Variants in ACOX3 observed in about 807,000 individuals in gnomAD.
ACOX3 encodes the protein acyl-CoA oxidase 3, pristanoyl, also known as peroxisomal acyl-coenzyme A oxidase 3.
Under a neutral mutation model 81.5 loss-of-function variants are expected in ACOX3, and 73 were observed. That is an observed-to-expected ratio of 0.90 (90% CI 0.74 to 1.09). The LOEUF (loss-of-function observed/expected upper bound fraction) is 1.09. Ranked by LOEUF, ACOX3 falls within the 50% of genes least tolerant of loss-of-function variation. ACOX3 has a pLI of 0.00. For missense variants in ACOX3, 947 were observed against 928.0 expected, an observed-to-expected ratio of 1.02 and a Z score of -0.27; for synonymous variants, 387 against 375.1, an observed-to-expected ratio of 1.03 and a Z score of -0.37.
At position 8,372,096 on chromosome 4, in the gene ACOX3, G is replaced by A. The variant is rs371316294; in HGVS notation, c.1897-1102C>T. Among the ~76,000 whole-genome samples the A allele has an allele frequency of 2.4e-4, 36 of 152,308 alleles. No individual in the cohort carries two copies. In the South Asian group the frequency reaches 3.9e-3, roughly 17 times the overall value. On this transcript the variant is annotated intron_variant, in intron 16 of 17. Transcript: ENST00000356406. Reference sequence around the variant, plus strand: ...TGGCCATAGCCTCACTGGGAAATCAGTTGTGGCTGTCATTTTTTTGAGACG... The same window carrying A: ...TGGCCATAGCCTCACTGGGAAATCAATTGTGGCTGTCATTTTTTTGAGACG...
chr4:8,363,569 G>C (rs1037310394), downstream of ACOX3, among the ~76,000 whole-genome samples: 3 of 152,128 alleles, frequency 2.0e-5, no homozygotes, highest in African/African-American at 7.2e-5. Flanking sequence ...TTATAAAAGG[G>C]AGGGGAGCAA....
rs1439174796 is a variant in ACOX3, at chr4:8,414,844, C to A, written c.453+10G>T. 21 of 1,613,224 alleles carry A rather than the reference C, an allele frequency of 1.3e-5. No individual in the cohort carries two copies. The highest frequency in any genetic ancestry group is 1.7e-5 in the Non-Finnish European group (20 of 1,179,136). The stretch of plus-strand genomic sequence containing the variant: ...ACCAGGCTCACAATTTACCATGAAC[C>A]AGAACTTACCTCCATCCTGAAGATC... On this transcript the variant is annotated intron_variant, in intron 4 of 17. Transcript: ENST00000356406. The surrounding 1 kb of genome is among the most constrained non-coding windows in gnomAD (Gnocchi z 6.1).
intron 1 of ACOX3, among the ~76,000 whole-genome samples, chr4:8,426,584 C>A (rs1723510251): frequency 1.3e-5 from 2 of 149,472 alleles, no homozygotes; most frequent in Admixed American, 1.3e-4. Flanking sequence ...GCTATACTAC[C>A]AGTAGCTCCC....
chr4:8,399,597 C>T lies in ACOX3; in HGVS notation c.832G>A (p.Gly278Arg). 1 of 1,614,186 alleles carries T rather than the reference C, an allele frequency of 6.2e-7. No individual in the cohort carries two copies. Reference sequence around the variant, plus strand: ...TAGGTGCCCTCGGGGGTGACGTCTCCCATCCGGTTCAGAAGGCTCTGGCGA... The same window carrying T: ...TAGGTGCCCTCGGGGGTGACGTCTCTCATCCGGTTCAGAAGGCTCTGGCGA... ...VPRQSLLNRM[G>R]DVTPEGTYVS... is the part of the protein sequence containing the mutation. The change falls in exon 8 of 18, where the codon GGA becomes AGA. Residue 278 changes from glycine to arginine, a missense_variant. Gly to Arg is a moderately radical substitution (Grantham distance 125). Transcript: ENST00000356406. The surrounding 1 kb of genome is among the most constrained non-coding windows in gnomAD (Gnocchi z 4.9).
Position 8,414,340 on chromosome 4 carries a change from A to G in ACOX3, c.495T>C (p.Ser165=). 1.2e-6 allele frequency: 2 copies of G among 1,614,132 alleles called. No individual in the cohort carries two copies. Among genetic ancestry groups the G allele is most frequent in the Non-Finnish European group, 1.7e-6 (2 of 1,180,020 alleles). The change falls in exon 5 of 18, where the codon AGT becomes AGC. Residue 165 remains serine (S), a synonymous_variant. Coordinates refer to ENST00000356406, the MANE Select transcript of ACOX3 (RefSeq NM_003501.3). The surrounding 1 kb of genome is among the most constrained non-coding windows in gnomAD (Gnocchi z 6.1). ...CFALTELSHG[S]NTKAIRTTAH... is the part of the protein sequence containing the mutation. ...CAGTTGTGCGAATGGCCTTGGTATT[A>G]CTGCCGTGGCTTAATTCGGTCAGAG...
chr4:8,365,525 G>A (rs1392261575), downstream of ACOX3, among the ~76,000 whole-genome samples: 6 of 152,188 alleles, frequency 3.9e-5, no homozygotes, highest in East Asian at 3.9e-4. Context: ...GGTCCCGCTC[G>A]GCCACCTCCT....
At chr4:8,371,463 C>T (rs544117017) in intron 16 of ACOX3, among the ~76,000 whole-genome samples, 7 of 152,364 alleles carry the variant, frequency 4.6e-5, no homozygotes, top group African/African-American at 9.6e-5. Context: ...TCCCATTCCA[C>T]TGGACAAATT....
At chr4:8,373,818 G>C (rs1716575357) in intron 15 of ACOX3, 190 bp from the exon 16 acceptor site, 1 of 613,382 alleles carries the variant, frequency 1.6e-6, no homozygotes, top group Non-Finnish European at 2.9e-6. Flanking sequence ...CGAGTTCTGA[G>C]ACCCTTTTCC....
intron 15 of ACOX3, 184 bp downstream of exon 15, chr4:8,374,794 T>C: frequency 1.6e-6 from 1 of 616,202 alleles, no homozygotes; most frequent in East Asian, 3.2e-5. Context: ...GGCACCACCC[T>C]GACGCTGCTC....
intron 16 of ACOX3, among the ~76,000 whole-genome samples, chr4:8,372,944 C>T (rs1186831618): frequency 6.6e-6 from 1 of 152,198 alleles, no homozygotes; most frequent in Non-Finnish European, 1.5e-5. Context: ...ACTCACACAG[C>T]CGCCTTCCCC....
At chr4:8,371,580 C>A (rs1393302853) in intron 16 of ACOX3, among the ~76,000 whole-genome samples, 1 of 152,276 alleles carries the variant, frequency 6.6e-6, no homozygotes, top group Non-Finnish European at 1.5e-5. Flanking sequence ...CGTGGCTACA[C>A]TGCATAGAAC....
chr4:8,412,582 G>A, intron 5 of ACOX3, among the ~76,000 whole-genome samples: 1 of 152,220 alleles, frequency 6.6e-6, no homozygotes, highest in East Asian at 1.9e-4. Context: ...AAGAATGATG[G>A]ATGGATGACT....
chr4:8,410,275 C>A lies in ACOX3; in HGVS notation c.624G>T (p.Val208=). The part of the protein sequence containing the change: ...GNMGKTATHA[V]VFAKLCVPGD... ...CTGGCACACACAGCTTAGCAAACAC[C>A]ACCGCGTGAGTGGCTGTCTTGCCCA... The change falls in exon 6 of 18, where the codon GTG becomes GTT. Residue 208 remains valine (V), a synonymous_variant. Transcript: ENST00000356406. 6.2e-7 allele frequency: 1 copy of A among 1,614,138 alleles called. No homozygotes were observed. The highest frequency in any genetic ancestry group is 8.5e-7 in the Non-Finnish European group (1 of 1,179,980).
intron 14 of ACOX3, among the ~76,000 whole-genome samples, chr4:8,378,083 C>G (rs1163943622): frequency 6.6e-6 from 1 of 152,188 alleles, no homozygotes; most frequent in Non-Finnish European, 1.5e-5. Context: ...CAGCTAAGGT[C>G]AGCTGTCCGT....
the ACOX3 span, among the ~76,000 whole-genome samples, chr4:8,360,638 A>AT: frequency 6.6e-6 from 1 of 151,882 alleles, no homozygotes; most frequent in Admixed American, 6.6e-5. Flanking sequence ...CGCCTGGCTA[A>AT]TTTTTTTGTA....
chr4:8,376,246 T>C (rs191500868), intron 14 of ACOX3, among the ~76,000 whole-genome samples: 60 of 152,336 alleles, frequency 3.9e-4, no homozygotes, highest in Non-Finnish European at 6.0e-4. Flanking sequence ...TTAGCCTTTC[T>C]TTCCCTGTCT....
At position 8,394,761 on chromosome 4, in the gene ACOX3, C is replaced by T. The variant is rs1308835642; in HGVS notation, c.1057-19G>A. ...GCCATTGCTAGAACAGACAAGACAC[C>T]TGCGTGAACACATCGTGGTTCCCAT... is the stretch of plus-strand genomic sequence containing the variant. On this transcript the variant is annotated intron_variant, in intron 9 of 17. Coordinates refer to ENST00000356406, the MANE Select transcript of ACOX3 (RefSeq NM_003501.3). This position sits in a 1 kb window ranked among gnomAD's most constrained non-coding sequence, Gnocchi z 5.9. 1.2e-6 allele frequency: 2 copies of T among 1,607,632 alleles called. No individual in the cohort carries two copies. Among genetic ancestry groups the T allele is most frequent in the South Asian group, 2.2e-5 (2 of 90,668 alleles).
In ACOX3 at chr4:8,416,577, TG is replaced by T; in HGVS notation, c.-14-43del. On this transcript the variant is annotated intron_variant, in intron 1 of 17. Coordinates refer to ENST00000356406, the MANE Select transcript of ACOX3 (RefSeq NM_003501.3). The surrounding 1 kb of genome is among the most constrained non-coding windows in gnomAD (Gnocchi z 4.2). The stretch of plus-strand genomic sequence containing the variant: ...ACCTGAATCCATGCTCTCCCATCTA[TG>T]GGTTCAAACTACCCCCACCAACAGG... 1 of 1,524,680 alleles carries T rather than the reference TG, an allele frequency of 6.6e-7. No individual in the cohort carries two copies. The allele number at this position is 1,524,680 out of a possible 1,614,324, so 94.4% of individuals were successfully genotyped here. A position where few individuals can be genotyped will look rare whatever the true frequency, so the allele number is the denominator to read the frequency against.
chr4:8,390,806 C>T (rs946001447), intron 11 of ACOX3, among the ~76,000 whole-genome samples: 5 of 152,184 alleles, frequency 3.3e-5, no homozygotes, highest in South Asian at 4.1e-4. Flanking sequence ...ACTGCCAACA[C>T]GCTTGTGATT....
Sources: gnomAD v4.1 joint callset for allele counts (sites outside exome capture counted in the v4.1 genomes callset) on GRCh38, gnomAD v4.1.1 for gene constraint, Gnocchi (gnomAD v3.1) non-coding constraint, MANE v1.5 for transcripts, NCBI Gene and HGNC (gene_info 2026-07-23, HGNC 2026-07-21) for gene names.